GARNL3: variants seen among roughly 807,000 people sequenced by gnomAD.
GARNL3 encodes the protein GTPase-activating Rap/Ran-GAP domain-like protein 3.
GARNL3 carries 63 observed loss-of-function variants against 125.0 expected under a neutral mutation model. The observed-to-expected ratio is 0.50, with a 90% CI of 0.41 to 0.62. The LOEUF is 0.62. Ranked by LOEUF, GARNL3 falls within the 20% of genes least tolerant of loss-of-function variation. GARNL3 has a pLI of 0.00. For synonymous variants in GARNL3, 439 were observed against 457.5 expected (o/e 0.96, Z 0.52); for missense variants, 994 against 1,244.0 (o/e 0.80, Z 3.02).
chr9:127,355,776 G>A (rs1830657124), intron 20 of GARNL3, among the ~76,000 whole-genome samples: 1 of 152,196 alleles, frequency 6.6e-6, no homozygotes, highest in African/African-American at 2.4e-5. Flanking sequence ...AGCTATGATG[G>A]CTGGCATAAA....
intron 14 of GARNL3, among the ~76,000 whole-genome samples, chr9:127,343,033 G>A (rs575690394): frequency 1.5e-4 from 23 of 151,784 alleles, no homozygotes; most frequent in African/African-American, 5.3e-4. Context: ...AAGTAGCTGG[G>A]GTTATAGGCA....
rs115022120 is a variant in GARNL3 at position 127,280,260 on chromosome 9, C to G, written c.145-10908C>G. 4.3e-3 allele frequency among the ~76,000 whole-genome samples: 650 copies of G among 152,322 alleles called. 7 individuals carry two copies. Among genetic ancestry groups the G allele is most frequent in the African/African-American group, 0.015 (627 of 41,552 alleles). On this transcript the variant is annotated intron_variant, in intron 1 of 27. Transcript: ENST00000373387. This position sits in a 1 kb window ranked among gnomAD's most constrained non-coding sequence, Gnocchi z 4.5. ...TCTGCCCTCAGGACTCTCCATGTCT[C>G]GCTCCCTACCTGGGGCACTTGGTTT...
At chr9:127,272,620 C>T (rs1300810746) in intron 1 of GARNL3, among the ~76,000 whole-genome samples, 1 of 152,012 alleles carries the variant, frequency 6.6e-6, no homozygotes, top group Non-Finnish European at 1.5e-5. Context: ...GCTGGGACTA[C>T]AGGTGCACAC....
At chr9:127,303,376 A>C (rs763939789) in intron 2 of GARNL3, among the ~76,000 whole-genome samples, 4 of 152,206 alleles carry the variant, frequency 2.6e-5, no homozygotes, top group Admixed American at 6.5e-5. Flanking sequence ...ATGCATAAAA[A>C]GATCTGGGAT....
chr9:127,352,595 T>A (rs1310988351), intron 17 of GARNL3, among the ~76,000 whole-genome samples: 1 of 152,200 alleles, frequency 6.6e-6, no homozygotes, highest in African/African-American at 2.4e-5. Flanking sequence ...TCATAAAATT[T>A]ACATTTGCCC....
rs1463221691 is a variant in GARNL3, at chr9:127,345,470, A to G, written c.1424A>G (p.Lys475Arg). ...AGCTTGGCAGCTTCAGGGATCTGTAAAAAAGAGGTGAGTTCATGATACTTT... is the reference window on the plus strand; with the variant it reads ...AGCTTGGCAGCTTCAGGGATCTGTAGAAAAGAGGTGAGTTCATGATACTTT... ...PSSLAASGIC[K>R]KEPWEPQCFC... The change falls in exon 16 of 28, where the codon AAA (lysine) becomes AGA (arginine). Residue 475 changes from lysine (K) to arginine (R), a missense_variant. By Grantham distance (26) the Lys-to-Arg change is conservative. Transcript: ENST00000373387. 1 of 1,596,994 alleles carries G rather than the reference A, an allele frequency of 6.3e-7. No individual in the cohort carries two copies. Among genetic ancestry groups the G allele is most frequent in the Admixed American group, 1.7e-5 (1 of 57,576 alleles).
chr9:127,383,229 G>A (rs1832363434), intron 22 of GARNL3, among the ~76,000 whole-genome samples: 1 of 152,194 alleles, frequency 6.6e-6, no homozygotes, highest in Admixed American at 6.5e-5. Flanking sequence ...TCCCAAAACA[G>A]CAGCTCTTAT....
intron 2 of GARNL3, among the ~76,000 whole-genome samples, chr9:127,304,368 A>C (rs2064886940): frequency 6.6e-6 from 1 of 152,156 alleles, no homozygotes; most frequent in Admixed American, 6.5e-5. Context: ...TATCTTGCTA[A>C]TAGGAGTTTA....
intron 3 of GARNL3, 132 bp from the exon 4 acceptor site, chr9:127,313,309 A>G: frequency 1.4e-6 from 1 of 731,012 alleles, no homozygotes; most frequent in Non-Finnish European, 2.5e-6. Context: ...ATCAGGGTCC[A>G]TCCCAAGCTG....
chr9:127,255,267 G>T (rs1448507606), intron 2 of GARNL3, among the ~76,000 whole-genome samples: 1 of 152,192 alleles, frequency 6.6e-6, no homozygotes, highest in East Asian at 1.9e-4. Context: ...GAGAATGGAG[G>T]ATATTGATGC....
intron 7 of GARNL3, 81 bp downstream of exon 7, chr9:127,325,176 C>T: frequency 7.2e-7 from 1 of 1,391,210 alleles, no homozygotes; most frequent in Non-Finnish European, 1.0e-6. Context: ...GTGAACCCAG[C>T]CTTTGCTTTC....
intron 6 of GARNL3, among the ~76,000 whole-genome samples, chr9:127,321,217 T>C (rs1347044556): frequency 1.3e-5 from 2 of 152,172 alleles, no homozygotes; most frequent in Non-Finnish European, 2.9e-5. Flanking sequence ...CACTGCAACC[T>C]CTGCCTCCTG....
rs1051865208 is a variant in GARNL3, at chr9:127,392,384, T to A, written c.2871-699T>A. The stretch of plus-strand genomic sequence containing the variant: ...AGGAAAGCTTTTTGAGGAAGTAGCA[T>A]TGGGCTGGGCTTGGAATAAACGGTA... On this transcript the variant is annotated intron_variant, in intron 27 of 27. Coordinates refer to ENST00000373387, the MANE Select transcript of GARNL3 (RefSeq NM_032293.5). This position sits in a 1 kb window ranked among gnomAD's most constrained non-coding sequence, Gnocchi z 5.2. Among the ~76,000 whole-genome samples the A allele has an allele frequency of 3.9e-5, 6 of 152,230 alleles. No homozygotes were observed. The highest frequency in any genetic ancestry group is 1.4e-4 in the African/African-American group (6 of 41,458).
At chr9:127,308,496 A>T (rs938248883) in intron 2 of GARNL3, among the ~76,000 whole-genome samples, 1 of 152,200 alleles carries the variant, frequency 6.6e-6, no homozygotes, top group Admixed American at 6.5e-5. Context: ...CAATTTGCCC[A>T]TGTAACAAGC....
intron 2 of GARNL3, among the ~76,000 whole-genome samples, chr9:127,301,315 C>T (rs2064778924): frequency 6.6e-6 from 1 of 152,172 alleles, no homozygotes; most frequent in South Asian, 2.1e-4. Context: ...AGACACTCTA[C>T]CTCTTTTTAT....
At chr9:127,256,949 C>T (rs1310792385) in intron 2 of GARNL3, among the ~76,000 whole-genome samples, 2 of 152,192 alleles carry the variant, frequency 1.3e-5, no homozygotes, top group African/African-American at 4.8e-5. Flanking sequence ...AAGGCTCTCT[C>T]ATGTTGCCCT....
intron 22 of GARNL3, among the ~76,000 whole-genome samples, chr9:127,376,585 T>G (rs1831931967): frequency 6.6e-6 from 1 of 151,518 alleles, no homozygotes; most frequent in African/African-American, 2.4e-5. Context: ...CAGCTTTCTT[T>G]CTTTCTTTCT....
chr9:127,386,418 A>G lies in GARNL3; in HGVS notation c.2389-775A>G, dbSNP rs530511994. Among the ~76,000 whole-genome samples, 16 of 152,312 alleles carry G rather than the reference A, an allele frequency of 1.1e-4. No individual in the cohort carries two copies. In the East Asian group the frequency reaches 2.9e-3, roughly 28 times the overall value. On this transcript the variant is annotated intron_variant, in intron 24 of 27. Coordinates refer to ENST00000373387, the MANE Select transcript of GARNL3 (RefSeq NM_032293.5). ...AAACTGATAGTCTTTGCTGGATTCCATGGTGTAAAGAGTCCCTGCATGATT... is the reference window on the plus strand; with the variant it reads ...AAACTGATAGTCTTTGCTGGATTCCGTGGTGTAAAGAGTCCCTGCATGATT...
chr9:127,231,940 C>T (rs1317985262), intron 1 of GARNL3, among the ~76,000 whole-genome samples: 1 of 152,206 alleles, frequency 6.6e-6, no homozygotes, highest in African/African-American at 2.4e-5. Flanking sequence ...ACTGCTGGCC[C>T]AGGGACATAC....
Sources: gnomAD v4.1 joint callset for allele counts (sites outside exome capture counted in the v4.1 genomes callset) on GRCh38, gnomAD v4.1.1 for gene constraint, Gnocchi (gnomAD v3.1) non-coding constraint, MANE v1.5 for transcripts, NCBI Gene and HGNC (gene_info 2026-07-23, HGNC 2026-07-21) for gene names.